The following CACNB2 variants were observed in gnomAD, a reference collection of about 807,000 sequenced individuals.
CACNB2 encodes the protein voltage-dependent L-type calcium channel subunit beta-2.
A neutral mutation model predicts 73.3 loss-of-function variants in CACNB2; 42 were observed. The ratio of observed to expected loss-of-function variants is 0.57; its 90% confidence interval spans 0.45 to 0.74. The LOEUF is 0.74. CACNB2 is among the 30% of genes least tolerant of loss of function. CACNB2 has a pLI of 0.00. For missense variants in CACNB2, 940 were observed against 853.0 expected (o/e 1.10, Z -1.27); for synonymous variants, 348 against 310.3 (o/e 1.12, Z -1.28).
Position 18,455,549 on chromosome 10 carries a change from T to A in CACNB2, c.334-42806T>A, listed in dbSNP as rs536025053. Among the ~76,000 whole-genome samples, 3 of 152,328 alleles carry A rather than the reference T, an allele frequency of 2.0e-5. No homozygotes were observed. The South Asian group carries it at 6.2e-4, about 32-fold the overall frequency. ...TACCAACTGGCTCTTCCTTAGGGGA[T>A]AAATAGTGTATAAAGTTGGTGTAGA... On this transcript the variant is annotated intron_variant, in intron 3 of 13. Coordinates refer to ENST00000324631, the MANE Select transcript of CACNB2 (RefSeq NM_201596.3).
rs765228223 is a variant in CACNB2 at position 18,536,195 on chromosome 10, C to A, written c.1301C>A (p.Pro434Gln). 6.6e-7 allele frequency: 1 copy of A among 1,507,682 alleles called. No homozygotes were observed. Among genetic ancestry groups the A allele is most frequent in the South Asian group, 1.1e-5 (1 of 88,828 alleles). 93.4% of individuals were successfully genotyped at this position (1,507,682 alleles called of 1,614,324 possible). The change falls in exon 12 of 14, where the codon CCA becomes CAA. Residue 434 changes from proline (P) to glutamine (Q), a missense_variant and splice_region_variant. Pro to Gln is a moderately conservative substitution (Grantham distance 76). Coordinates refer to ENST00000324631, the MANE Select transcript of CACNB2 (RefSeq NM_201596.3). Reference sequence around the variant, plus strand: ...GCTGATAAACTGGCTCAGTGTCCTCCAGTAAGTTATCTCTATATACAGCAT... The same window carrying A: ...GCTGATAAACTGGCTCAGTGTCCTCAAGTAAGTTATCTCTATATACAGCAT... ...VAADKLAQCP[P>Q]ELFDVILDEN...
At chr10:18,325,277 C>T (rs2040537553) in intron 2 of CACNB2, among the ~76,000 whole-genome samples, 1 of 152,190 alleles carries the variant, frequency 6.6e-6, no homozygotes, top group Non-Finnish European at 1.5e-5. Context: ...ATAACCTTGT[C>T]CTCCTGGGCT....
intron 2 of CACNB2, among the ~76,000 whole-genome samples, chr10:18,228,011 C>A (rs994806325): frequency 6.6e-5 from 10 of 152,170 alleles, no homozygotes; most frequent in African/African-American, 2.4e-4. Flanking sequence ...AATTTGCAGT[C>A]AACATTTTTA....
At chr10:18,364,234 A>G (rs963747120) in intron 2 of CACNB2, among the ~76,000 whole-genome samples, 1 of 136,658 alleles carries the variant, frequency 7.3e-6, no homozygotes, top group Admixed American at 7.1e-5. Flanking sequence ...GATTACAGGC[A>G]TGAGCCGCGG....
intron 2 of CACNB2, among the ~76,000 whole-genome samples, chr10:18,258,747 A>C (rs921550783): frequency 1.3e-5 from 2 of 152,000 alleles, no homozygotes; most frequent in Non-Finnish European, 2.9e-5. Flanking sequence ...AAACAAGCAA[A>C]CAAAAAACAA....
chr10:18,496,923 A>G (rs922176436), intron 3 of CACNB2, among the ~76,000 whole-genome samples: 1 of 151,894 alleles, frequency 6.6e-6, no homozygotes, highest in Non-Finnish European at 1.5e-5. Flanking sequence ...AGAAATACAT[A>G]GAAGAGGCCA....
chr10:18,364,055 C>G (rs7919809), intron 2 of CACNB2, among the ~76,000 whole-genome samples: 78,609 of 150,910 alleles, frequency 0.52, 21,065 homozygotes, highest in East Asian at 0.91. Flanking sequence ...TCAAGTGATT[C>G]TCCAGCCTTG....
At chr10:18,212,007 C>T (rs1392419637) in intron 2 of CACNB2, among the ~76,000 whole-genome samples, 10 of 152,030 alleles carry the variant, frequency 6.6e-5, no homozygotes. Flanking sequence ...ATAATATTTT[C>T]AGGGTGTTCA....
intron 2 of CACNB2, among the ~76,000 whole-genome samples, chr10:18,347,908 G>C (rs774409229): frequency 5.3e-5 from 8 of 152,208 alleles, no homozygotes; most frequent in Non-Finnish European, 1.2e-4. Context: ...TTCTACATCA[G>C]AAGGTTTTGA....
At chr10:18,214,957 T>C (rs1755630945) in intron 2 of CACNB2, among the ~76,000 whole-genome samples, 1 of 152,232 alleles carries the variant, frequency 6.6e-6, no homozygotes, top group Non-Finnish European at 1.5e-5. Context: ...GTAATGCTTA[T>C]GCTCACGATA....
chr10:18,482,082 TG>T (rs1450141246), intron 3 of CACNB2, among the ~76,000 whole-genome samples: 1 of 151,962 alleles, frequency 6.6e-6, no homozygotes, highest in Non-Finnish European at 1.5e-5. Flanking sequence ...TTAGTAGAGA[TG>T]GGGTTTTGCC....
chr10:18,181,647 C>T (rs2033893439), intron 2 of CACNB2, among the ~76,000 whole-genome samples: 1 of 130,810 alleles, frequency 7.6e-6, no homozygotes, highest in Admixed American at 7.9e-5. Context: ...CAGGGTCTCA[C>T]TCTGTCACCC....
intron 2 of CACNB2, among the ~76,000 whole-genome samples, chr10:18,362,048 C>G (rs576760956): frequency 1.3e-5 from 2 of 152,262 alleles, no homozygotes; most frequent in South Asian, 4.1e-4. Context: ...AGGCTGATCT[C>G]AAGCTCCTGG....
chr10:18,202,394 G>C (rs192599261), intron 2 of CACNB2, among the ~76,000 whole-genome samples: 8 of 152,218 alleles, frequency 5.3e-5, no homozygotes, highest in Admixed American at 1.3e-4. Context: ...CTGGGCCTTG[G>C]TTTCTCTAAC....
chr10:18,345,642 A>C (rs1463189224), intron 2 of CACNB2, among the ~76,000 whole-genome samples: 5 of 152,332 alleles, frequency 3.3e-5, no homozygotes, highest in African/African-American at 9.6e-5. Flanking sequence ...ACTGTGGAAT[A>C]GTTTTTCCCC....
chr10:18,235,142 C>CA (rs34052926), intron 2 of CACNB2, among the ~76,000 whole-genome samples: 5,132 of 99,614 alleles, frequency 0.052, 122 homozygotes, highest in Non-Finnish European at 0.075. Flanking sequence ...GACTCTGTCT[C>CA]AAAAAAAAAA....
At chr10:18,159,074 G>C (rs1207826409) in intron 2 of CACNB2, among the ~76,000 whole-genome samples, 1 of 151,710 alleles carries the variant, frequency 6.6e-6, no homozygotes, top group South Asian at 2.1e-4. Context: ...TTTTGAAAAT[G>C]TCTTCATTTT....
At chr10:18,374,289 A>G (rs746285690) in intron 2 of CACNB2, among the ~76,000 whole-genome samples, 55 of 152,332 alleles carry the variant, frequency 3.6e-4, no homozygotes, top group Admixed American at 8.5e-4. Context: ...AGTAGACCAG[A>G]GGGAAAAATG....
At chr10:18,469,318 G>T (rs1403994232) in intron 3 of CACNB2, among the ~76,000 whole-genome samples, 1 of 152,260 alleles carries the variant, frequency 6.6e-6, no homozygotes, top group African/African-American at 2.4e-5. Context: ...CATGGACATC[G>T]CCATTGGATG....
Sources: allele counts gnomAD v4.1 joint callset (sites outside exome capture counted in the v4.1 genomes callset), GRCh38; gene constraint gnomAD v4.1.1; transcripts MANE v1.5; gene names NCBI Gene and HGNC (gene_info 2026-07-23, HGNC 2026-07-21).